The following TH variants were observed in gnomAD, a reference collection of about 807,000 sequenced individuals.
TH encodes the protein tyrosine hydroxylase.
A neutral mutation model predicts 57.4 loss-of-function variants in TH; 49 were observed. The ratio of observed to expected loss-of-function variants is 0.85; its 90% CI spans 0.68 to 1.08. The LOEUF is 1.08. Ranked by LOEUF, TH falls within the 50% of genes least tolerant of loss-of-function variation. The probability of loss-of-function intolerance (pLI) is 0.00; values close to 1 mark genes in which losing one functional copy is unlikely to be tolerated. For missense variants in TH, 720 were observed against 696.7 expected (o/e 1.03, Z -0.38); for synonymous variants, 330 against 304.5 (o/e 1.08, Z -0.87).
chr11:2,169,593 C>T (rs1846196361), intron 2 of TH, 57 bp downstream of exon 2: 1 of 1,571,218 alleles, frequency 6.4e-7, no homozygotes, highest in African/African-American at 1.3e-5. Context: ...GAACTCAGCC[C>T]ACACAGCCCC....
Position 2,164,271 on chromosome 11 carries a change from GCT to G in TH, c.1454_1455del (p.Glu485AlafsTer19), listed in dbSNP as rs1590163975. On this transcript the variant is annotated frameshift_variant, in exon 13 of 13. Transcript: ENST00000352909. LOFTEE classifies it high-confidence loss of function. ...VRRSLEGVQD[E>X]LDTLAHALSA... ...CTCAGCGCATGGGCAAGGGTGTCCA[GCT>G]CATCCTGGACACCCTCCAGGGAGCG... is the stretch of plus-strand genomic sequence containing the variant. The G allele has an allele frequency of 6.7e-7, 1 of 1,501,282 alleles. No individual in the cohort carries two copies. Among genetic ancestry groups the G allele is most frequent in the Non-Finnish European group, 8.9e-7 (1 of 1,122,984 alleles). The allele number at this position is 1,501,282 out of a possible 1,614,324, so 93.0% of individuals were successfully genotyped here.
chr11:2,164,830 C>G (rs375464175), intron 12 of TH, among the ~76,000 whole-genome samples: 4 of 152,166 alleles, frequency 2.6e-5, no homozygotes, highest in East Asian at 3.9e-4. Flanking sequence ...TCCTGACACT[C>G]TGGTCACTGC....
Position 2,166,071 on chromosome 11 carries a change from G to A in TH, c.1048-13C>T, listed in dbSNP as rs1321679907. 19 of 1,552,428 alleles carry A rather than the reference G, an allele frequency of 1.2e-5. No homozygotes were observed. Among genetic ancestry groups the A allele is most frequent in the Non-Finnish European group, 1.5e-5 (17 of 1,147,768 alleles). On this transcript the variant is annotated splice_polypyrimidine_tract_variant and intron_variant, in intron 9 of 12. Transcript: ENST00000352909. ...CCAGGCCAATGTCCTGTGGAGCAGG[G>A]AGGATGAAGGATGGGGAGAGGCAGC...
rs370710158 is a variant in TH at position 2,166,660 on chromosome 11, G to A, written c.950C>T (p.Ala317Val). 3 of 1,572,822 alleles carry A rather than the reference G, an allele frequency of 1.9e-6. No individual in the cohort carries two copies. Among genetic ancestry groups the A allele is most frequent in the South Asian group, 1.2e-5 (1 of 85,944 alleles). The change falls in exon 8 of 13, where the codon GCG becomes GTG. Residue 317 changes from alanine (A) to valine (V), a missense_variant. Coordinates refer to ENST00000352909, the MANE Select transcript of TH (RefSeq NM_000360.4). ...VFQCTQYIRHASSPMHSPEPD... is the reference protein window; with the variant it reads ...VFQCTQYIRHVSSPMHSPEPD... ...CTCAGGGGAGTGCATGGGCGAGGACGCGTGGCGGATATACTGGGTGCACTG... is the reference window on the plus strand; with the variant it reads ...CTCAGGGGAGTGCATGGGCGAGGACACGTGGCGGATATACTGGGTGCACTG...
At chr11:2,167,707 G>A in intron 5 of TH, 159 bp downstream of exon 5, 1 of 1,142,968 alleles carries the variant, frequency 8.7e-7, no homozygotes, top group Non-Finnish European at 1.3e-6. Flanking sequence ...TCCCCACTGG[G>A]ATTTGGGGAC....
chr11:2,169,949 C>G, intron 1 of TH, 78 bp from the exon 2 acceptor site: 1 of 1,416,090 alleles, frequency 7.1e-7, no homozygotes, highest in Non-Finnish European at 9.7e-7. Context: ...GTCCCACAGT[C>G]GGGCAGCGCT....
Position 2,169,837 on chromosome 11 carries a change from A to T in TH, c.125T>A (p.Ile42Asn). The T allele has an allele frequency of 6.2e-7, 1 of 1,610,606 alleles. No homozygotes were observed. Among genetic ancestry groups the T allele is most frequent in the Non-Finnish European group, 8.5e-7 (1 of 1,179,622 alleles). Residue 42 changes from isoleucine to asparagine, a missense_variant, in exon 2 of 13, where the codon ATC (isoleucine) becomes AAC (asparagine). Transcript: ENST00000352909. ...CTCCCGCTCCTTGCGGGCGTCCTCG[A>T]TGAGGCTCTGCCTGCGCCCAATGAA... Reference protein sequence around the residue: ...PRFIGRRQSLIEDARKEREAA... With the variant: ...PRFIGRRQSLNEDARKEREAA...
chr11:2,164,374 G>A lies in TH; in HGVS notation c.1353C>T (p.Ile451=). 2 of 1,550,504 alleles carry A rather than the reference G, an allele frequency of 1.3e-6. No homozygotes were observed. Among genetic ancestry groups the A allele is most frequent in the African/African-American group, 2.8e-5 (2 of 72,150 alleles). ...KDKLRSYASR[I]QRPFSVKFDP... ...CGAACTTCACGGAGAAGGGGCGCTG[G>A]ATGCGTGAGGCATAGCTCCTGGGGA... Residue 451 remains isoleucine (I), a synonymous_variant, in exon 13 of 13, where the codon ATC becomes ATT. Coordinates refer to ENST00000352909, the MANE Select transcript of TH (RefSeq NM_000360.4).
At position 2,165,661 on chromosome 11, in the gene TH, C is replaced by T. The variant is rs1463979447; in HGVS notation, c.1200+7G>A. On this transcript the variant is annotated splice_region_variant and intron_variant, in intron 11 of 12. Coordinates refer to ENST00000352909, the MANE Select transcript of TH (RefSeq NM_000360.4). ...TGCTGGGGGCTGCAGCAAGGAGAGA[C>T]TCTCACCAGGAGCTCCCCGTAGGAG... 16 of 1,612,418 alleles carry T rather than the reference C, an allele frequency of 9.9e-6. No homozygotes were observed. The South Asian group carries it at 1.8e-4, about 18-fold the overall frequency.
chr11:2,167,147 G>T, intron 6 of TH, 115 bp from the exon 7 acceptor site: 1 of 1,458,248 alleles, frequency 6.9e-7, no homozygotes, highest in Non-Finnish European at 9.2e-7. Flanking sequence ...GGCCTCTTGG[G>T]GACCCCTGAA....
intron 12 of TH, 55 bp downstream of exon 12, chr11:2,165,177 T>A (rs2133688582): frequency 6.2e-7 from 1 of 1,611,940 alleles, no homozygotes; most frequent in South Asian, 1.1e-5. Flanking sequence ...AAGGAAGGCC[T>A]GGCTGGCCCA....
Position 2,167,905 on chromosome 11 carries a change from C to G in TH, c.605G>C (p.Arg202Pro), listed in dbSNP as rs80338892. The G allele has an allele frequency of 6.2e-6, 10 of 1,610,938 alleles. No homozygotes were observed. The highest frequency in any genetic ancestry group is 6.8e-6 in the Non-Finnish European group (8 of 1,179,138). ...GGCGATCTCAGCAATCAGCTTCCTG[C>G]GCTGGCGGTACACCTGGTCCGAGAA... Reference protein sequence around the residue: ...PGFSDQVYRQRRKLIAEIAFQ... With the variant: ...PGFSDQVYRQPRKLIAEIAFQ... Residue 202 changes from arginine (R) to proline (P), a missense_variant, in exon 5 of 13, where the codon CGC (arginine) becomes CCC (proline). Transcript: ENST00000352909.
At position 2,167,496 on chromosome 11, in the gene TH, G is replaced by A. The variant is rs1459041667; in HGVS notation, c.645-11C>T. 1.9e-6 allele frequency: 3 copies of A among 1,556,372 alleles called. No individual in the cohort carries two copies. Among genetic ancestry groups the A allele is most frequent in the South Asian group, 1.2e-5 (1 of 84,530 alleles). ...GGAATCGGGTCGCCGCTGGGGAGGG[G>A]GCCAGTGGTCAGCAGGTCCCCTCGG... On this transcript the variant is annotated splice_polypyrimidine_tract_variant and intron_variant, in intron 5 of 12. Transcript: ENST00000352909.
Position 2,164,301 on chromosome 11 carries a change from G to A in TH, c.1426C>T (p.Arg476Trp), listed in dbSNP as rs201616746. The change falls in exon 13 of 13, where the codon CGG becomes TGG. Residue 476 changes from arginine to tryptophan, a missense_variant. Physicochemically the swap from Arg to Trp is moderately radical, Grantham distance 101. Transcript: ENST00000352909. Reference sequence around the variant, plus strand: ...TCCTGGACACCCTCCAGGGAGCGCCGCACGGCCTGGGGGCTGTCCAGCACG... The same window carrying A: ...TCCTGGACACCCTCCAGGGAGCGCCACACGGCCTGGGGGCTGTCCAGCACG... ...IDVLDSPQAV[R>W]RSLEGVQDEL... 1.1e-5 allele frequency: 16 copies of A among 1,517,760 alleles called. No individual in the cohort carries two copies. The highest frequency in any genetic ancestry group is 4.8e-5 in the East Asian group (2 of 41,420). 94.0% of individuals were successfully genotyped at this position (1,517,760 alleles called of 1,614,324 possible).
At chr11:2,167,806 C>G (rs1230570478) in intron 5 of TH, 60 bp downstream of exon 5, 3 of 1,543,774 alleles carry the variant, frequency 1.9e-6, no homozygotes, top group South Asian at 1.2e-5. Context: ...CCTCCCACCC[C>G]CCAGGTCCAG....
intron 2 of TH, 63 bp downstream of exon 2, chr11:2,169,586 CT>C (rs1454054391): frequency 6.5e-7 from 1 of 1,543,862 alleles, no homozygotes; most frequent in Admixed American, 1.7e-5. Context: ...GGGTCAGGAA[CT>C]CAGCCCACAC....
Position 2,169,782 on chromosome 11 carries a change from G to T in TH, c.180C>A (p.Val60=). 6.2e-7 allele frequency: 1 copy of T among 1,611,404 alleles called. No homozygotes were observed. The highest frequency in any genetic ancestry group is 1.1e-5 in the South Asian group (1 of 91,032). Residue 60 remains valine (V), a synonymous_variant, in exon 2 of 13, where the codon GTC becomes GTA. Transcript: ENST00000352909. ...CCAGGGGGTCCCCGGGCTCCGAGGGGACTGCAGCGGCCGCTGCTGCCACCG... is the reference window on the plus strand; with the variant it reads ...CCAGGGGGTCCCCGGGCTCCGAGGGTACTGCAGCGGCCGCTGCTGCCACCG... ...EAAVAAAAAA[V]PSEPGDPLEA...
Position 2,167,396 on chromosome 11 carries a change from C to T in TH, c.695+39G>A, listed in dbSNP as rs73403740. The T allele has an allele frequency of 2.3e-3, 3,610 of 1,549,624 alleles. 65 individuals carry two copies. The African/African-American group carries it at 0.045, about 19-fold the overall frequency. On this transcript the variant is annotated intron_variant, in intron 6 of 12. Transcript: ENST00000352909. Reference sequence around the variant, plus strand: ...CGCCAGGATTCCAGGAGGCATCCCCCGGGCTCCTCCCCAGCCCCTAGCTGC... The same window carrying T: ...CGCCAGGATTCCAGGAGGCATCCCCTGGGCTCCTCCCCAGCCCCTAGCTGC...
intron 12 of TH, 36 bp from the exon 13 acceptor site, chr11:2,164,428 C>A (rs367696368): frequency 1.9e-6 from 3 of 1,541,064 alleles, no homozygotes; most frequent in South Asian, 1.2e-5. Context: ...CGTCAACTGG[C>A]GGGCAGAGTC....
Sources: gnomAD v4.1 joint callset for allele counts (sites outside exome capture counted in the v4.1 genomes callset) on GRCh38, gnomAD v4.1.1 for gene constraint, MANE v1.5 for transcripts, NCBI Gene and HGNC (gene_info 2026-07-23, HGNC 2026-07-21) for gene names.